FAU: variants seen among roughly 807,000 people sequenced by gnomAD.
FAU encodes the protein ubiquitin-like FUBI-ribosomal protein eS30 fusion protein.
For synonymous variants in FAU, 70 were observed against 69.9 expected (o/e 1.00, Z -0.01); for missense variants, 125 against 173.9 (o/e 0.72, Z 1.58).
In FAU at chr11:65,122,107, C is replaced by G. The variant is rs949099973; in HGVS notation, c.-26G>C. The stretch of plus-strand genomic sequence containing the variant: ...ATTCTTACCTGAACGGCGGTCCCAG[C>G]TACCGCGAAGATGGAGTCGAGAAAG... On this transcript the variant is annotated 5_prime_UTR_variant, in exon 1 of 5. Transcript: ENST00000529639. The G allele has an allele frequency of 3.3e-6, 2 of 599,924 alleles. No homozygotes were observed. Among genetic ancestry groups the G allele is most frequent in the East Asian group, 2.8e-5 (1 of 35,760 alleles). 37.2% of individuals were successfully genotyped at this position (599,924 alleles called of 1,614,324 possible). A position where few individuals can be genotyped will look rare whatever the true frequency, so the allele number is the denominator to read the frequency against.
At chr11:65,120,869 C>T in intron 4 of FAU, 63 bp from the exon 5 acceptor site, 1 of 1,609,828 alleles carries the variant, frequency 6.2e-7, no homozygotes, top group Admixed American at 1.7e-5. Flanking sequence ...TCCCTTCCCT[C>T]AGGCTCATCT....
At position 65,121,550 on chromosome 11, in the gene FAU, C is replaced by A; in HGVS notation, c.170G>T (p.Cys57Phe). Residue 57 changes from cysteine to phenylalanine, a missense_variant, in exon 3 of 5, where the codon TGC becomes TTC. By Grantham distance (205) the Cys-to-Phe change is radical. Transcript: ENST00000529639. ...PLEDEATLGQ[C>F]GVEALTTLEV... ...CAGGGTAGTCAGGGCCTCCACCCCG[C>A]ACTGGCCCAGAGTGGCCTCATCCTC... 1 of 1,614,040 alleles carries A rather than the reference C, an allele frequency of 6.2e-7. No individual in the cohort carries two copies. The highest frequency in any genetic ancestry group is 8.5e-7 in the Non-Finnish European group (1 of 1,180,022).
chr11:65,121,734 C>T lies in FAU; in HGVS notation c.75+5G>A, dbSNP rs750329520. The T allele has an allele frequency of 1.9e-6, 3 of 1,614,096 alleles. No individual in the cohort carries two copies. In the South Asian group the frequency reaches 3.3e-5, roughly 18 times the overall value. ...TGGAACCCAGGGCGCACCAAGCAGCCTTACCTTGATCTGGGCGACCGTTTC... is the reference window on the plus strand; with the variant it reads ...TGGAACCCAGGGCGCACCAAGCAGCTTTACCTTGATCTGGGCGACCGTTTC... On this transcript the variant is annotated splice_donor_5th_base_variant and intron_variant, in intron 2 of 4. Transcript: ENST00000529639.
intron 4 of FAU, 42 bp from the exon 5 acceptor site, chr11:65,120,848 C>T (rs1175269407): frequency 1.2e-6 from 2 of 1,612,230 alleles, no homozygotes; most frequent in Admixed American, 3.3e-5. Context: ...TCCTGTCTTC[C>T]ACACCTAGCA....
In FAU at chr11:65,120,659, G is replaced by C. The variant is rs1249322350; in HGVS notation, c.*22C>G. On this transcript the variant is annotated 3_prime_UTR_variant, in exon 5 of 5. Transcript: ENST00000529639. Reference sequence around the variant, plus strand: ...TGAACTAAGTGGCTTTTTTATTAGAGAAAGCCAGAATTACAAAAGACTTAA... The same window carrying C: ...TGAACTAAGTGGCTTTTTTATTAGACAAAGCCAGAATTACAAAAGACTTAA... The C allele has an allele frequency of 6.2e-7, 1 of 1,611,938 alleles. No individual in the cohort carries two copies. The highest frequency in any genetic ancestry group is 8.5e-7 in the Non-Finnish European group (1 of 1,179,394).
rs767227130 is a variant in FAU at position 65,120,761 on chromosome 11, G to A, written c.322C>T (p.Arg108Trp). 4 of 1,614,134 alleles carry A rather than the reference G, an allele frequency of 2.5e-6. No individual in the cohort carries two copies. Among genetic ancestry groups the A allele is most frequent in the Non-Finnish European group, 3.4e-6 (4 of 1,180,012 alleles). The change falls in exon 5 of 5, where the codon CGG becomes TGG. Residue 108 changes from arginine (R) to tryptophan (W), a missense_variant. Transcript: ENST00000529639. ...KKKKKTGRAK[R>W]RMQYNRRFVN... is the part of the protein sequence containing the mutation. ...AAGCGCCGGTTGTACTGCATCCGCC[G>A]CTTAGCCCGACCTGTCTTCTTCTTC...
At chr11:65,121,853 G>A (rs753333911) in intron 1 of FAU, 32 bp from the exon 2 acceptor site, 2 of 1,601,680 alleles carry the variant, frequency 1.2e-6, no homozygotes, top group Non-Finnish European at 1.7e-6. Flanking sequence ...TGTAAGAGAA[G>A]CCAAGAAATG....
Position 65,120,685 on chromosome 11 carries a change from G to C in FAU, c.398C>G (p.Ser133Cys). The change falls in exon 5 of 5, where the codon TCT becomes TGT. Residue 133 changes from serine to cysteine, a missense_variant. Transcript: ENST00000529639. ...FGKKKGPNAN[S>C] ...AAAGCCAGAATTACAAAAGACTTAA[G>C]AGTTGGCATTGGGGCCCTTCTTCTT... 1.9e-6 allele frequency: 3 copies of C among 1,614,090 alleles called. No individual in the cohort carries two copies.
chr11:65,120,675 A>G lies in FAU; in HGVS notation c.*6T>C, dbSNP rs777985813. ...TTTATTAGAGAAAGCCAGAATTACA[A>G]AAGACTTAAGAGTTGGCATTGGGGC... On this transcript the variant is annotated 3_prime_UTR_variant, in exon 5 of 5. Coordinates refer to ENST00000529639, the MANE Select transcript of FAU (RefSeq NM_001997.5). 5.0e-6 allele frequency: 8 copies of G among 1,613,154 alleles called. No homozygotes were observed. The highest frequency in any genetic ancestry group is 5.9e-6 in the Non-Finnish European group (7 of 1,179,686).
rs775402767 is a variant in FAU, at chr11:65,120,728, C to T, written c.355G>A (p.Val119Ile). 19 of 1,614,206 alleles carry T rather than the reference C, an allele frequency of 1.2e-5. No individual in the cohort carries two copies. The South Asian group carries it at 1.5e-4, about 13-fold the overall frequency. Residue 119 changes from valine (V) to isoleucine (I), a missense_variant, in exon 5 of 5, where the codon GTT (valine) becomes ATT (isoleucine). Coordinates refer to ENST00000529639, the MANE Select transcript of FAU (RefSeq NM_001997.5). ...TTCTTCTTGCCAAAGGTGGGCACAA[C>T]GTTGACAAAGCGCCGGTTGTACTGC... Reference protein sequence around the residue: ...RMQYNRRFVNVVPTFGKKKGP... With the variant: ...RMQYNRRFVNIVPTFGKKKGP...
At chr11:65,121,150 G>A (rs1439732953) in intron 3 of FAU, 114 bp from the exon 4 acceptor site, 5 of 1,060,148 alleles carry the variant, frequency 4.7e-6, no homozygotes, top group Non-Finnish European at 7.0e-6. Context: ...TAGGTAATGA[G>A]AACAAAGTTG....
At position 65,120,973 on chromosome 11, in the gene FAU, T is replaced by C. The variant is rs1379530836; in HGVS notation, c.276+8A>G. ...CCTAACACCATGACCACTAATACTC[T>C]CACTCACCTTAGGAGTCTGACCTCT... is the stretch of plus-strand genomic sequence containing the variant. On this transcript the variant is annotated splice_region_variant and intron_variant, in intron 4 of 4. Coordinates refer to ENST00000529639, the MANE Select transcript of FAU (RefSeq NM_001997.5). 1.9e-6 allele frequency: 3 copies of C among 1,613,868 alleles called. No individual in the cohort carries two copies. In the African/African-American group the frequency reaches 4.0e-5, roughly 22 times the overall value.
In FAU at chr11:65,120,644, G is replaced by A; in HGVS notation, c.*37C>T. ...AAACAATGCGATGACTGAACTAAGT[G>A]GCTTTTTTATTAGAGAAAGCCAGAA... On this transcript the variant is annotated 3_prime_UTR_variant, in exon 5 of 5. Transcript: ENST00000529639. The A allele has an allele frequency of 6.2e-7, 1 of 1,611,584 alleles. No homozygotes were observed. Among genetic ancestry groups the A allele is most frequent in the Non-Finnish European group, 8.5e-7 (1 of 1,179,014 alleles).
chr11:65,121,548 C>T lies in FAU; in HGVS notation c.172G>A (p.Gly58Arg), dbSNP rs1948047688. The change falls in exon 3 of 5, where the codon GGG (glycine) becomes AGG (arginine). Residue 58 changes from glycine (G) to arginine (R), a missense_variant. Transcript: ENST00000529639. The stretch of plus-strand genomic sequence containing the variant: ...TCCAGGGTAGTCAGGGCCTCCACCC[C>T]GCACTGGCCCAGAGTGGCCTCATCC... ...LEDEATLGQC[G>R]VEALTTLEVA... The T allele has an allele frequency of 6.2e-7, 1 of 1,613,902 alleles. No homozygotes were observed. Among genetic ancestry groups the T allele is most frequent in the African/African-American group, 1.3e-5 (1 of 74,934 alleles).
In FAU at chr11:65,121,054, G is replaced by A; in HGVS notation, c.221-18C>T. The A allele has an allele frequency of 6.2e-7, 1 of 1,614,024 alleles. No individual in the cohort carries two copies. The highest frequency in any genetic ancestry group is 1.1e-5 in the South Asian group (1 of 91,058). On this transcript the variant is annotated intron_variant, in intron 3 of 4. Transcript: ENST00000529639. ...GACTTTACCTGTAGTGGGAAAGGAA[G>A]GCACCAGCAGGTAAGAGCAAGAAGG...
chr11:65,121,951 C>A, intron 1 of FAU, 130 bp from the exon 2 acceptor site: 1 of 876,632 alleles, frequency 1.1e-6, no homozygotes, highest in Non-Finnish European at 1.8e-6. Context: ...GTGGGGAAGG[C>A]CAGGCCTCCC....
intron 1 of FAU, 33 bp from the exon 2 acceptor site, chr11:65,121,854 C>A (rs758990945): frequency 1.9e-6 from 3 of 1,602,064 alleles, no homozygotes; most frequent in Non-Finnish European, 2.6e-6. Context: ...GTAAGAGAAG[C>A]CAAGAAATGC....
At chr11:65,121,103 T>C in intron 3 of FAU, 67 bp from the exon 4 acceptor site, 1 of 1,532,920 alleles carries the variant, frequency 6.5e-7, no homozygotes, top group Non-Finnish European at 9.0e-7. Flanking sequence ...AACCCCTCTT[T>C]TCTCAATTCA....
At chr11:65,121,440 T>G in intron 3 of FAU, 60 bp downstream of exon 3, 5 of 1,578,330 alleles carry the variant, frequency 3.2e-6, no homozygotes, top group Non-Finnish European at 4.3e-6. Flanking sequence ...GTCAGGACTA[T>G]GCACCCCACA....
Sources: gnomAD v4.1 joint callset for allele counts on GRCh38, gnomAD v4.1.1 for gene constraint, MANE v1.5 for transcripts, NCBI Gene and HGNC (gene_info 2026-07-23, HGNC 2026-07-21) for gene names.